The following RTL4 variants were observed in gnomAD, a reference collection of about 807,000 sequenced individuals.
RTL4 encodes retrotransposon Gag like 4.
In RTL4, 4 loss-of-function variants were observed where a neutral mutation model predicts 5.3. That is an observed-to-expected ratio of 0.75 (90% CI 0.37 to 1.72). The LOEUF (loss-of-function observed/expected upper bound fraction) is 1.72, where lower values mean the gene tolerates loss of function less well. Ranked by LOEUF, RTL4 falls within the 40% of genes most tolerant of loss-of-function variation. The pLI, the probability that RTL4 is intolerant of heterozygous loss-of-function variation, is 0.04. For synonymous variants in RTL4, 98 were observed against 87.3 expected, an observed-to-expected ratio of 1.12 and a Z score of -0.68; for missense variants, 260 against 227.1, an observed-to-expected ratio of 1.14 and a Z score of -0.93.
the RTL4 span, among the ~76,000 whole-genome samples, chrX:112,335,482 T>G: frequency 8.9e-6 from 1 of 111,896 alleles, no homozygotes; most frequent in Non-Finnish European, 1.9e-5. Flanking sequence ...TTTGTTTTGC[T>G]TTTACTTTTT....
At chrX:112,158,392 A>C in the RTL4 span, among the ~76,000 whole-genome samples, 1 of 110,055 alleles carries the variant, frequency 9.1e-6, no homozygotes, top group Non-Finnish European at 1.9e-5. Flanking sequence ...TCACTGAGAG[A>C]CGACTGCTAT....
At chrX:112,358,429 G>A in the RTL4 span, among the ~76,000 whole-genome samples, 635 of 111,458 alleles carry the variant, frequency 5.7e-3, 4 homozygotes, top group African/African-American at 0.02. Context: ...CATAGTCAAA[G>A]TCAATTTGCC....
chrX:112,142,126 C>T, the RTL4 span, among the ~76,000 whole-genome samples: 2 of 112,237 alleles, frequency 1.8e-5, no homozygotes, highest in African/African-American at 6.5e-5. Flanking sequence ...GAGAAGATGG[C>T]AACTTGGTCT....
the RTL4 span, among the ~76,000 whole-genome samples, chrX:112,086,688 C>G: frequency 9.8e-5 from 11 of 111,884 alleles, no homozygotes; most frequent in African/African-American, 3.6e-4. Context: ...AGCCCAATAC[C>G]ACGTATATAT....
chrX:112,310,804 TATTATATATTATATATATTAATAC>T, the RTL4 span, among the ~76,000 whole-genome samples: 2 of 85,569 alleles, frequency 2.3e-5, no homozygotes, highest in Non-Finnish European at 4.3e-5. Context: ...TATAATTCTA[TATTATATATTATATATATTAATAC>T]ATTATATATT....
chrX:112,295,986 T>G, the RTL4 span, among the ~76,000 whole-genome samples: 1 of 112,094 alleles, frequency 8.9e-6, no homozygotes, highest in African/African-American at 3.2e-5. Flanking sequence ...TCATTTATAC[T>G]AAAATGAACT....
At chrX:112,085,722 A>C in the RTL4 span, among the ~76,000 whole-genome samples, 1 of 112,025 alleles carries the variant, frequency 8.9e-6, no homozygotes, top group African/African-American at 3.3e-5. Flanking sequence ...CACCATATAG[A>C]ATGAGTGCCA....
chrX:112,365,098 A>C, the RTL4 span, among the ~76,000 whole-genome samples: 1 of 111,122 alleles, frequency 9.0e-6, no homozygotes, highest in African/African-American at 3.3e-5. Context: ...ATAGGGAAAA[A>C]GAAAGCCTTT....
At chrX:112,447,779 T>C in the RTL4 span, among the ~76,000 whole-genome samples, 1 of 111,911 alleles carries the variant, frequency 8.9e-6, no homozygotes, top group East Asian at 2.8e-4. Context: ...CCATACTCTA[T>C]AATGCCTGTA....
chrX:112,130,971 A>AT, the RTL4 span, among the ~76,000 whole-genome samples: 311 of 100,956 alleles, frequency 3.1e-3, 27 homozygotes, highest in African/African-American at 9.3e-3. Context: ...TTTTTTTTGT[A>AT]TTTTTTTTTA....
the RTL4 span, among the ~76,000 whole-genome samples, chrX:112,221,680 C>T: frequency 8.9e-6 from 1 of 112,484 alleles, no homozygotes; most frequent in Non-Finnish European, 1.9e-5. Context: ...AGAGGGATGG[C>T]TTCAGTCTCA....
chrX:112,193,251 C>G, the RTL4 span, among the ~76,000 whole-genome samples: 3 of 111,364 alleles, frequency 2.7e-5, no homozygotes, highest in African/African-American at 9.8e-5. Flanking sequence ...ATTGGATATT[C>G]ATTACCTCAA....
chrX:112,168,968 TCTTTCTTTCTTTC>T, the RTL4 span, among the ~76,000 whole-genome samples: 78 of 107,760 alleles, frequency 7.2e-4, no homozygotes, highest in Non-Finnish European at 1.3e-3. Flanking sequence ...TCTTTCTTTT[TCTTTCTTTCTTTC>T]CTTTCTTTCT....
chrX:112,209,897 G>A, the RTL4 span, among the ~76,000 whole-genome samples: 974 of 111,552 alleles, frequency 8.7e-3, 12 homozygotes, highest in African/African-American at 0.03. Flanking sequence ...AAGATGGCAG[G>A]GCCTTGCTCC....
chrX:112,229,873 T>G, the RTL4 span, among the ~76,000 whole-genome samples: 2 of 111,894 alleles, frequency 1.8e-5, no homozygotes, highest in Non-Finnish European at 3.8e-5. Flanking sequence ...TGCTGCTGCC[T>G]GATCGTTCCT....
chrX:112,456,404 C>A, exon 1 of RTL4: 2 of 308,745 alleles, frequency 6.5e-6, no homozygotes, highest in Non-Finnish European at 1.2e-5. Flanking sequence ...GCCCATCAGG[C>A]AGGTGTATGC....
the RTL4 span, among the ~76,000 whole-genome samples, chrX:112,419,155 G>A: frequency 9.8e-6 from 1 of 102,272 alleles, no homozygotes; most frequent in African/African-American, 3.6e-5. Flanking sequence ...TCTGACCACA[G>A]ATTTTAGATC....
At chrX:112,326,033 G>C in the RTL4 span, among the ~76,000 whole-genome samples, 1 of 112,054 alleles carries the variant, frequency 8.9e-6, no homozygotes, top group African/African-American at 3.2e-5. Flanking sequence ...GCAGCCAACA[G>C]ACACATGAAA....
At chrX:112,337,691 T>G in the RTL4 span, among the ~76,000 whole-genome samples, 5 of 112,199 alleles carry the variant, frequency 4.5e-5, no homozygotes, top group African/African-American at 1.6e-4. Context: ...ATAGTTTTAA[T>G]TCTCTAAGAA....
Sources: allele counts gnomAD v4.1 joint callset (sites outside exome capture counted in the v4.1 genomes callset), GRCh38; gene constraint gnomAD v4.1.1; transcripts MANE v1.5; gene names NCBI Gene and HGNC (gene_info 2026-07-23, HGNC 2026-07-21).